Variants in PREX2 observed in about 807,000 individuals in gnomAD.
PREX2 encodes the protein phosphatidylinositol-3,4,5-trisphosphate dependent Rac exchange factor 2.
PREX2 carries 107 observed loss-of-function variants against 203.2 expected under a neutral mutation model. The ratio of observed to expected loss-of-function variants is 0.53; its 90% CI spans 0.45 to 0.62. PREX2 has a LOEUF of 0.62. PREX2 is among the 20% of genes least tolerant of loss of function. The pLI is 0.00. For missense variants in PREX2, 1,777 were observed against 1,955.9 expected, an observed-to-expected ratio of 0.91 and a Z score of 1.72; for synonymous variants, 672 against 663.6, an observed-to-expected ratio of 1.01 and a Z score of -0.19.
Position 68,038,938 on chromosome 8 carries a change from A to G in PREX2, c.839+646A>G, listed in dbSNP as rs1295170603. Among the ~76,000 whole-genome samples the G allele has an allele frequency of 3.3e-5, 5 of 152,250 alleles. No individual in the cohort carries two copies. The East Asian group carries it at 5.8e-4, about 18-fold the overall frequency. On this transcript the variant is annotated intron_variant, in intron 7 of 39. Transcript: ENST00000288368. ...CACCTGAGTCTCCTGTCCTAGGGCC[A>G]TACTTTTACCTTGTCAATACCAACA...
chr8:68,024,860 A>G (rs141143293), intron 4 of PREX2, among the ~76,000 whole-genome samples: 16 of 152,104 alleles, frequency 1.1e-4, no homozygotes, highest in African/African-American at 3.9e-4. Flanking sequence ...TATCAAATCC[A>G]TATTAGGTTA....
chr8:68,067,355 T>C, intron 11 of PREX2, among the ~76,000 whole-genome samples: 1 of 152,114 alleles, frequency 6.6e-6, no homozygotes, highest in Non-Finnish European at 1.5e-5. Context: ...TCCATGAACA[T>C]GGGATTTCTT....
chr8:68,145,893 G>A lies in PREX2; in HGVS notation c.4088-316G>A, dbSNP rs1286836793. On this transcript the variant is annotated intron_variant, in intron 33 of 39. Coordinates refer to ENST00000288368, the MANE Select transcript of PREX2 (RefSeq NM_024870.4). ...AAATGTGAATGAAGCAGCTGCCCTG[G>A]GAGATTTTGATTCCAAACTATGTGT... Among the ~76,000 whole-genome samples, 8 of 152,092 alleles carry A rather than the reference G, an allele frequency of 5.3e-5. No individual in the cohort carries two copies. In the South Asian group the frequency reaches 1.0e-3, roughly 20 times the overall value.
intron 30 of PREX2, among the ~76,000 whole-genome samples, chr8:68,123,383 A>C (rs1462464859): frequency 6.6e-6 from 1 of 152,108 alleles, no homozygotes; most frequent in African/African-American, 2.4e-5. Context: ...GAAATAACTA[A>C]AATCAGAGCT....
chr8:68,065,892 C>T (rs918029543), intron 11 of PREX2, among the ~76,000 whole-genome samples: 5 of 152,152 alleles, frequency 3.3e-5, no homozygotes, highest in African/African-American at 4.8e-5. Context: ...GAGATTCCCT[C>T]CCCTTCCCTC....
At chr8:68,177,977 C>A (rs539439545) in intron 35 of PREX2, among the ~76,000 whole-genome samples, 1 of 152,282 alleles carries the variant, frequency 6.6e-6, no homozygotes, top group African/African-American at 2.4e-5. Context: ...TCTCATTCCT[C>A]TTTATGGCTG....
chr8:67,981,802 C>A (rs59513230), intron 1 of PREX2, among the ~76,000 whole-genome samples: 52,440 of 152,006 alleles, frequency 0.34, 9,463 homozygotes, highest in East Asian at 0.61. Context: ...GCCAGTGAGC[C>A]CTGGGCATGA....
chr8:68,216,371 C>T (rs1195342727), intron 37 of PREX2, among the ~76,000 whole-genome samples: 3 of 151,906 alleles, frequency 2.0e-5, no homozygotes, highest in Non-Finnish European at 4.4e-5. Flanking sequence ...GGAAAATACA[C>T]AAATCAACAA....
chr8:68,142,664 C>T (rs1811251338), intron 33 of PREX2, among the ~76,000 whole-genome samples: 1 of 151,806 alleles, frequency 6.6e-6, no homozygotes. Flanking sequence ...ATTCCTGGAT[C>T]GTATGTTAAG....
At chr8:67,993,833 A>G (rs4078342) in intron 1 of PREX2, among the ~76,000 whole-genome samples, 74,530 of 151,720 alleles carry the variant, frequency 0.49, 18,645 homozygotes, top group South Asian at 0.61. Flanking sequence ...TCTATCGGCA[A>G]TCTAATTAGG....
chr8:68,208,907 A>G (rs1307857984), intron 37 of PREX2, among the ~76,000 whole-genome samples: 2 of 151,854 alleles, frequency 1.3e-5, no homozygotes, highest in African/African-American at 4.8e-5. Flanking sequence ...TGGACAACAT[A>G]GCGAGACCCT....
intron 25 of PREX2, among the ~76,000 whole-genome samples, chr8:68,113,303 C>T (rs531013017): frequency 1.7e-3 from 265 of 152,252 alleles, no homozygotes; most frequent in Middle Eastern, 3.4e-3. Context: ...AAAAATTATG[C>T]TTAGCCCCAT....
intron 38 of PREX2, among the ~76,000 whole-genome samples, chr8:68,222,521 T>C (rs1387218472): frequency 6.6e-6 from 1 of 152,014 alleles, no homozygotes; most frequent in Admixed American, 6.6e-5. Flanking sequence ...AAATATATAC[T>C]TGAATAAATA....
intron 1 of PREX2, among the ~76,000 whole-genome samples, chr8:67,963,914 G>T (rs1409241715): frequency 6.6e-6 from 1 of 152,058 alleles, no homozygotes; most frequent in African/African-American, 2.4e-5. Flanking sequence ...TTCCAGTGGG[G>T]TTAGCCGCTC....
At chr8:68,188,184 G>A (rs1245021406) in intron 35 of PREX2, among the ~76,000 whole-genome samples, 4 of 152,270 alleles carry the variant, frequency 2.6e-5, no homozygotes, top group African/African-American at 9.6e-5. Flanking sequence ...CATGACTGGT[G>A]ATAATCCAGA....
chr8:68,036,700 C>G (rs1341286375), intron 6 of PREX2, among the ~76,000 whole-genome samples: 2 of 151,890 alleles, frequency 1.3e-5, no homozygotes, highest in African/African-American at 4.8e-5. Context: ...AATCCCAGCA[C>G]TTTGGGAGGC....
chr8:67,959,041 A>G (rs1442736225), intron 1 of PREX2, among the ~76,000 whole-genome samples: 2 of 152,214 alleles, frequency 1.3e-5, no homozygotes, highest in African/African-American at 4.8e-5. Context: ...GAGATGGCAT[A>G]AGGAGAGCAA....
intron 6 of PREX2, among the ~76,000 whole-genome samples, chr8:68,036,216 G>A (rs2129610651): frequency 6.6e-6 from 1 of 152,242 alleles, no homozygotes; most frequent in South Asian, 2.1e-4. Context: ...AGACCTAGCG[G>A]TTTGATTGAT....
chr8:68,083,497 G>A (rs1435236828), intron 18 of PREX2, 109 bp downstream of exon 18: 4 of 779,518 alleles, frequency 5.1e-6, no homozygotes, highest in South Asian at 4.9e-5. Flanking sequence ...TGCTTGGAAC[G>A]CTTGAACCTC....
Sources: gnomAD v4.1 joint callset for allele counts (sites outside exome capture counted in the v4.1 genomes callset) on GRCh38, gnomAD v4.1.1 for gene constraint, MANE v1.5 for transcripts, NCBI Gene and HGNC (gene_info 2026-07-23, HGNC 2026-07-21) for gene names.